MAP2: variants seen among roughly 807,000 people sequenced by gnomAD.
MAP2 encodes the protein microtubule-associated protein 2.
MAP2 carries 14 observed loss-of-function variants against 137.6 expected under a neutral mutation model. The observed-to-expected ratio is 0.10, with a 90% CI of 0.07 to 0.16. The LOEUF (loss-of-function observed/expected upper bound fraction) is 0.16, where lower values mean the gene tolerates loss of function less well. Among genes scored for constraint, MAP2 ranks in the 10% least tolerant of loss-of-function variants. The pLI, the probability that MAP2 is intolerant of heterozygous loss-of-function variation, is 1.00. For synonymous variants in MAP2, 786 were observed against 782.3 expected, an observed-to-expected ratio of 1.00 and a Z score of -0.08; for missense variants, 2,088 against 2,191.5, an observed-to-expected ratio of 0.95 and a Z score of 0.94.
chr2:209,633,203 T>C (rs1377089831), intron 4 of MAP2, among the ~76,000 whole-genome samples: 2 of 152,184 alleles, frequency 1.3e-5, no homozygotes, highest in Admixed American at 1.3e-4. Context: ...TACTCCTGTC[T>C]AAATACCCGT....
intron 11 of MAP2, chr2:209,704,653 G>T (rs2062841938): frequency 1.3e-6 from 2 of 1,535,664 alleles, no homozygotes; most frequent in South Asian, 2.6e-5. Context: ...GGTGCAGAAA[G>T]AAATAGAATT....
Position 209,710,169 on chromosome 2 carries a change from T to C in MAP2, c.4988T>C (p.Ile1663Thr), listed in dbSNP as rs1263220518. ...GCGACTCCCAAGCAGCTTCGGCTTATTAACCAACCACTGCCAGACCTGAAG... is the reference window on the plus strand; with the variant it reads ...GCGACTCCCAAGCAGCTTCGGCTTACTAACCAACCACTGCCAGACCTGAAG... ...SPATPKQLRLINQPLPDLKNV... is the reference protein window; with the variant it reads ...SPATPKQLRLTNQPLPDLKNV... Residue 1663 changes from isoleucine to threonine, a missense_variant, in exon 13 of 16, where the codon ATT (isoleucine) becomes ACT (threonine). Physicochemically the swap from Ile to Thr is moderately conservative, Grantham distance 89 (BLOSUM62 -1). Around this residue, in one of 6 missense-constraint regions of MAP2, gnomAD observed 591 missense variants for 642.6 expected, o/e 0.92. Coordinates refer to ENST00000682079, the MANE Select transcript of MAP2 (RefSeq NM_001375505.1). The C allele has an allele frequency of 6.2e-7, 1 of 1,613,816 alleles. No homozygotes were observed.
intron 2 of MAP2, among the ~76,000 whole-genome samples, chr2:209,520,913 T>C (rs1053336977): frequency 2.0e-4 from 30 of 152,086 alleles, no homozygotes; most frequent in East Asian, 1.9e-4. Flanking sequence ...CTAAATATCA[T>C]GTTAGGAGAT....
intron 1 of MAP2, among the ~76,000 whole-genome samples, chr2:209,429,094 C>T (rs1384780374): frequency 2.0e-5 from 3 of 152,004 alleles, no homozygotes; most frequent in African/African-American, 4.8e-5. Context: ...GCTGGGACTA[C>T]AGGCGCCCGC....
chr2:209,487,611 T>C (rs1407464861), intron 1 of MAP2, among the ~76,000 whole-genome samples: 1 of 152,192 alleles, frequency 6.6e-6, no homozygotes, highest in Non-Finnish European at 1.5e-5. Context: ...AAATAATTAA[T>C]AATGCATTCA....
chr2:209,673,012 T>C (rs1454151951), intron 5 of MAP2, among the ~76,000 whole-genome samples: 2 of 151,804 alleles, frequency 1.3e-5, no homozygotes, highest in African/African-American at 4.8e-5. Context: ...CTGCTTTGAT[T>C]CTCTTTTCTA....
chr2:209,655,943 A>AAT (rs2095114021), intron 5 of MAP2, among the ~76,000 whole-genome samples: 1 of 152,174 alleles, frequency 6.6e-6, no homozygotes, highest in African/African-American at 2.4e-5. Context: ...ATTTTAAAAT[A>AAT]ATATTTTCTC....
chr2:209,477,760 G>T (rs1366094172), intron 1 of MAP2, among the ~76,000 whole-genome samples: 1 of 151,568 alleles, frequency 6.6e-6, no homozygotes, highest in African/African-American at 2.4e-5. Flanking sequence ...TACTCTGGAG[G>T]TTAAAATGGG....
intron 5 of MAP2, chr2:209,661,448 A>C (rs2043587704): frequency 1.1e-6 from 1 of 943,844 alleles, no homozygotes; most frequent in Non-Finnish European, 1.3e-6. Flanking sequence ...TCTGGCTGCC[A>C]TTTCCCTGAG....
intron 2 of MAP2, among the ~76,000 whole-genome samples, chr2:209,527,794 A>G (rs537394667): frequency 3.9e-5 from 6 of 152,286 alleles, no homozygotes; most frequent in Admixed American, 3.9e-4. Context: ...CCCCAGACCT[A>G]GTGAATCAGA....
chr2:209,668,959 A>G (rs988610981), intron 5 of MAP2, among the ~76,000 whole-genome samples: 2 of 152,052 alleles, frequency 1.3e-5, no homozygotes, highest in East Asian at 1.9e-4. Flanking sequence ...CTGATTATAT[A>G]TTCAGTTATG....
intron 1 of MAP2, among the ~76,000 whole-genome samples, chr2:209,443,232 C>G (rs571524571): frequency 4.0e-5 from 6 of 149,858 alleles, no homozygotes; most frequent in Non-Finnish European, 5.9e-5. Flanking sequence ...TTTTTTTCTC[C>G]TTGGCTAGCT....
chr2:209,695,735 A>G lies in MAP2; in HGVS notation c.3565A>G (p.Arg1189Gly). 1 of 1,614,044 alleles carries G rather than the reference A, an allele frequency of 6.2e-7. No individual in the cohort carries two copies. The highest frequency in any genetic ancestry group is 2.2e-5 in the East Asian group (1 of 44,872). Residue 1189 changes from arginine (R) to glycine (G), a missense_variant, in exon 8 of 16, where the codon AGA becomes GGA. Physicochemically the swap from Arg to Gly is moderately radical, Grantham distance 125. Coordinates refer to ENST00000682079, the MANE Select transcript of MAP2 (RefSeq NM_001375505.1). ...VSEADLATDE[R>G]ADVQMEFIQG... ...AGAGGCTGATTTAGCCACAGATGAG[A>G]GAGCTGATGTCCAGATGGAATTTAT...
intron 1 of MAP2, among the ~76,000 whole-genome samples, chr2:209,470,918 C>A (rs1705532361): frequency 1.3e-5 from 2 of 152,194 alleles, no homozygotes; most frequent in African/African-American, 4.8e-5. Flanking sequence ...CCCATATCTC[C>A]TGAACATGCC....
intron 3 of MAP2, among the ~76,000 whole-genome samples, chr2:209,584,589 C>T (rs2077253199): frequency 6.6e-6 from 1 of 152,122 alleles, no homozygotes; most frequent in African/African-American, 2.4e-5. Flanking sequence ...CAGGAGACTA[C>T]TATGACCAAA....
chr2:209,565,081 C>A (rs78734844), intron 2 of MAP2, among the ~76,000 whole-genome samples: 5 of 152,192 alleles, frequency 3.3e-5, no homozygotes, highest in African/African-American at 1.2e-4. Context: ...GCTTCACTTT[C>A]ATTAGGCTTC....
At chr2:209,719,441 A>T (rs2153797235) in intron 13 of MAP2, among the ~76,000 whole-genome samples, 1 of 152,340 alleles carries the variant, frequency 6.6e-6, no homozygotes, top group South Asian at 2.1e-4. Context: ...GAATGCCTCC[A>T]ACTTACAAAT....
chr2:209,642,323 A>G (rs1019991159), intron 4 of MAP2, among the ~76,000 whole-genome samples: 1 of 151,414 alleles, frequency 6.6e-6, no homozygotes, highest in Non-Finnish European at 1.5e-5. Flanking sequence ...AATCTTAGCT[A>G]CTCAGGAGGC....
chr2:209,714,828 G>T (rs150301455), intron 13 of MAP2, among the ~76,000 whole-genome samples: 5 of 152,258 alleles, frequency 3.3e-5, no homozygotes, highest in Admixed American at 1.3e-4. Flanking sequence ...GAGCTGTGAA[G>T]TCAGAGTCTA....
Sources: gnomAD v4.1 joint callset for allele counts (sites outside exome capture counted in the v4.1 genomes callset) on GRCh38, gnomAD v4.1.1 for gene constraint, gnomAD v4.1.1 regional missense constraint, MANE v1.5 for transcripts, NCBI Gene and HGNC (gene_info 2026-07-23, HGNC 2026-07-21) for gene names.